The following FHOD3 variants were observed in gnomAD, a reference collection of about 807,000 sequenced individuals.
FHOD3 encodes the protein FH1/FH2 domain-containing protein 3.
FHOD3 carries 90 observed loss-of-function variants against 173.0 expected under a neutral mutation model. The ratio of observed to expected loss-of-function variants is 0.52; its 90% CI spans 0.44 to 0.62. FHOD3 has a LOEUF of 0.62. FHOD3 is among the 20% of genes least tolerant of loss of function. The pLI is 0.00. For synonymous variants in FHOD3, 828 were observed against 823.0 expected (o/e 1.01, Z -0.10); for missense variants, 1,945 against 2,034.7 (o/e 0.96, Z 0.85).
chr18:36,432,728 G>C (rs1353616665), intron 3 of FHOD3, among the ~76,000 whole-genome samples: 3 of 152,204 alleles, frequency 2.0e-5, no homozygotes, highest in Admixed American at 2.0e-4. Flanking sequence ...CCTTCTTGCT[G>C]GTTTTGAAAA....
intron 13 of FHOD3, 68 bp downstream of exon 13, chr18:36,653,484 C>G: frequency 1.7e-6 from 2 of 1,182,592 alleles, no homozygotes; most frequent in Non-Finnish European, 2.4e-6. Flanking sequence ...ATGCATTTTT[C>G]TTTTCAAAGA....
At chr18:36,441,010 C>CT (rs1376927325) in intron 3 of FHOD3, among the ~76,000 whole-genome samples, 3 of 152,172 alleles carry the variant, frequency 2.0e-5, no homozygotes, top group Non-Finnish European at 4.4e-5. Flanking sequence ...GCATGCTATA[C>CT]TTTTTGCTTT....
At chr18:36,427,690 A>G (rs2050323218) in intron 3 of FHOD3, among the ~76,000 whole-genome samples, 1 of 152,072 alleles carries the variant, frequency 6.6e-6, no homozygotes, top group Non-Finnish European at 1.5e-5. Flanking sequence ...GGATCGAGAG[A>G]CTGTTTTTTT....
At chr18:36,751,394 C>T (rs919014768) in intron 24 of FHOD3, among the ~76,000 whole-genome samples, 4 of 152,184 alleles carry the variant, frequency 2.6e-5, no homozygotes, top group African/African-American at 9.7e-5. Context: ...ATGGAGTTTT[C>T]TGGATATAGA....
chr18:36,511,241 T>G (rs542741769), intron 4 of FHOD3, among the ~76,000 whole-genome samples: 1 of 152,312 alleles, frequency 6.6e-6, no homozygotes, highest in Admixed American at 6.5e-5. Context: ...ACTGTCCAAT[T>G]GAGGAAATCT....
rs137982690 is a variant in FHOD3 at position 36,625,597 on chromosome 18, C to T, written c.1044C>T (p.Ser348=). The T allele has an allele frequency of 2.2e-4, 352 of 1,579,808 alleles. 1 individual carries two copies. Among genetic ancestry groups the T allele is most frequent in the Admixed American group, 7.3e-4 (42 of 57,578 alleles). The change falls in exon 10 of 29, where the codon TCC becomes TCT. Residue 348 remains serine, a synonymous_variant. Transcript: ENST00000590592. ...ACCGGAGGAGGGCCAGCGTGTGTTCCAGTGGCGGAGGCGAGCACCGGGGCC... is the reference window on the plus strand; with the variant it reads ...ACCGGAGGAGGGCCAGCGTGTGTTCTAGTGGCGGAGGCGAGCACCGGGGCC... The part of the protein sequence containing the change: ...CRDRRRASVC[S]SGGGEHRGLD...
chr18:36,619,629 A>G (rs1162276236), intron 9 of FHOD3, among the ~76,000 whole-genome samples: 2 of 152,166 alleles, frequency 1.3e-5, no homozygotes, highest in African/African-American at 2.4e-5. Flanking sequence ...TGTTCATTCC[A>G]CAAAACTTCA....
intron 17 of FHOD3, among the ~76,000 whole-genome samples, chr18:36,707,588 G>A (rs972768676): frequency 4.6e-5 from 7 of 152,180 alleles, no homozygotes; most frequent in Non-Finnish European, 7.3e-5. Context: ...TGATGGCCCC[G>A]TGGGTCCTGA....
intron 10 of FHOD3, among the ~76,000 whole-genome samples, chr18:36,636,454 G>T (rs935161053): frequency 1.3e-5 from 2 of 152,166 alleles, no homozygotes; most frequent in African/African-American, 4.8e-5. Flanking sequence ...AAACTCTGAA[G>T]ATGTACATTG....
chr18:36,550,255 T>TATATATATATATATATATAC (rs1223266378), intron 5 of FHOD3, among the ~76,000 whole-genome samples: 13 of 147,242 alleles, frequency 8.8e-5, no homozygotes, highest in Non-Finnish European at 1.8e-4. Context: ...TATATATATA[T>TATATATATATATATATATAC]ATATATATAT....
At chr18:36,527,969 G>A (rs1388984832) in intron 5 of FHOD3, among the ~76,000 whole-genome samples, 1 of 152,116 alleles carries the variant, frequency 6.6e-6, no homozygotes, top group Non-Finnish European at 1.5e-5. Context: ...CTCTCTGCAT[G>A]TGACCTTCCC....
intron 7 of FHOD3, among the ~76,000 whole-genome samples, chr18:36,599,281 T>G (rs1458814820): frequency 2.6e-5 from 4 of 152,234 alleles, no homozygotes; most frequent in Admixed American, 2.6e-4. Context: ...CAGGTCCCAC[T>G]AATCTGGCTC....
chr18:36,681,085 C>T (rs516514), intron 14 of FHOD3, among the ~76,000 whole-genome samples: 74,802 of 151,876 alleles, frequency 0.49, 18,574 homozygotes, highest in East Asian at 0.65. Context: ...GATTCTAGCT[C>T]ATCTACGTCT....
intron 3 of FHOD3, among the ~76,000 whole-genome samples, chr18:36,380,637 C>CCTTTCCTTTT (rs1555686613): frequency 3.9e-4 from 55 of 140,538 alleles, no homozygotes; most frequent in African/African-American, 1.4e-3. Flanking sequence ...CCTTTCCTTT[C>CCTTTCCTTTT]CTTTCTCTGT....
chr18:36,775,368 G>A (rs1451169344), intron 28 of FHOD3, among the ~76,000 whole-genome samples: 3 of 152,180 alleles, frequency 2.0e-5, no homozygotes, highest in Admixed American at 2.0e-4. Flanking sequence ...TGTGAAAGAT[G>A]GTCAGGAACT....
chr18:36,541,498 C>T (rs1401375265), intron 5 of FHOD3, among the ~76,000 whole-genome samples: 2 of 152,052 alleles, frequency 1.3e-5, no homozygotes, highest in Non-Finnish European at 2.9e-5. Flanking sequence ...GTCACTGCTC[C>T]AGCCTGGGCA....
At chr18:36,447,456 G>A (rs926820187) in intron 3 of FHOD3, among the ~76,000 whole-genome samples, 5 of 151,682 alleles carry the variant, frequency 3.3e-5, no homozygotes, top group African/African-American at 1.2e-4. Flanking sequence ...CTAATTGGTT[G>A]GGTTTTGTTT....
At chr18:36,475,398 G>T (rs2145265840) in intron 3 of FHOD3, among the ~76,000 whole-genome samples, 1 of 147,824 alleles carries the variant, frequency 6.8e-6, no homozygotes, top group African/African-American at 2.5e-5. Flanking sequence ...CAGGGTTATT[G>T]TTTGCTGTGA....
At chr18:36,775,625 C>T (rs1243335557) in intron 28 of FHOD3, among the ~76,000 whole-genome samples, 3 of 152,146 alleles carry the variant, frequency 2.0e-5, no homozygotes, top group African/African-American at 4.8e-5. Flanking sequence ...TTCTCGGATG[C>T]GACTCATCTT....
Sources: allele counts gnomAD v4.1 joint callset (sites outside exome capture counted in the v4.1 genomes callset), GRCh38; gene constraint gnomAD v4.1.1; transcripts MANE v1.5; gene names NCBI Gene and HGNC (gene_info 2026-07-23, HGNC 2026-07-21).